Variants in PCDHGB4 observed in about 807,000 individuals in gnomAD.
PCDHGB4 encodes protocadherin gamma-B4.
PCDHGB4 carries 38 observed loss-of-function variants against 60.5 expected under a neutral mutation model. The ratio of observed to expected loss-of-function variants is 0.63; its 90% confidence interval spans 0.48 to 0.82. The LOEUF (loss-of-function observed/expected upper bound fraction) is 0.82. Ranked by LOEUF, PCDHGB4 falls within the 40% of genes least tolerant of loss-of-function variation. The probability of loss-of-function intolerance (pLI) is 0.00; values close to 1 mark genes in which losing one functional copy is unlikely to be tolerated. For missense variants in PCDHGB4, 1,109 were observed against 1,209.6 expected, an observed-to-expected ratio of 0.92 and a Z score of 1.23; for synonymous variants, 456 against 509.7, an observed-to-expected ratio of 0.89 and a Z score of 1.42.
rs758216080 is a variant in PCDHGB4, at chr5:141,398,809, C to A, written c.2397+8528C>A. 1.3e-5 allele frequency: 21 copies of A among 1,613,854 alleles called. No individual in the cohort carries two copies. In the South Asian group the frequency reaches 2.1e-4, roughly 16 times the overall value. On this transcript the variant is annotated intron_variant, in intron 1 of 3. Coordinates refer to ENST00000519479, the MANE Select transcript of PCDHGB4 (RefSeq NM_003736.4). ...TCCACCCCTAAGCGGCACCACTGAG[C>A]TCCGGATCCAGGTAACCGACGCCAA...
Position 141,490,027 on chromosome 5 carries a change from CG to C in PCDHGB4, c.2398-4779del. The C allele has an allele frequency of 6.2e-7, 1 of 1,614,214 alleles. No individual in the cohort carries two copies. Among genetic ancestry groups the C allele is most frequent in the Admixed American group, 1.7e-5 (1 of 60,032 alleles). On this transcript the variant is annotated intron_variant, in intron 1 of 3. Transcript: ENST00000519479. The surrounding 1 kb of genome is among the most constrained non-coding windows in gnomAD (Gnocchi z 5.4). Reference sequence around the variant, plus strand: ...TGCACCCATTGGTACTCTGCTGCTCCGCCTCAATGCCACTGATCCAGACGAG... The same window carrying C: ...TGCACCCATTGGTACTCTGCTGCTCCCCTCAATGCCACTGATCCAGACGAG...
intron 1 of PCDHGB4, among the ~76,000 whole-genome samples, chr5:141,438,647 CACACAT>C (rs1324641788): frequency 3.8e-5 from 4 of 106,486 alleles, no homozygotes; most frequent in South Asian, 2.8e-4. Flanking sequence ...CACACACACA[CACACAT>C]ATATGTATAT....
chr5:141,505,883 T>C (rs1225759976), intron 3 of PCDHGB4, among the ~76,000 whole-genome samples: 1 of 152,118 alleles, frequency 6.6e-6, no homozygotes, highest in East Asian at 1.9e-4. Flanking sequence ...GTTGTAGAGA[T>C]TAAATGAGAT....
chr5:141,506,017 C>G (rs2099850061), intron 3 of PCDHGB4, among the ~76,000 whole-genome samples: 1 of 152,176 alleles, frequency 6.6e-6, no homozygotes, highest in Non-Finnish European at 1.5e-5. Flanking sequence ...TTTGCTGCCC[C>G]TAACTCCAGA....
intron 1 of PCDHGB4, among the ~76,000 whole-genome samples, chr5:141,407,687 G>A (rs866314437): frequency 1.3e-5 from 2 of 152,126 alleles, no homozygotes; most frequent in African/African-American, 2.4e-5. Context: ...TGGCTTTGTG[G>A]TGATCATTGT....
At chr5:141,509,823 TTCTC>T (rs2099878456) in intron 3 of PCDHGB4, among the ~76,000 whole-genome samples, 1 of 152,170 alleles carries the variant, frequency 6.6e-6, no homozygotes, top group Non-Finnish European at 1.5e-5. Flanking sequence ...CTTCTCCATC[TTCTC>T]TCTACCTCCC....
At chr5:141,398,695 A>G (rs753760185) in intron 1 of PCDHGB4, 3 of 1,613,784 alleles carry the variant, frequency 1.9e-6, no homozygotes, top group Non-Finnish European at 2.5e-6. Flanking sequence ...GGATGGTAGT[A>G]AATACCCGGA....
At chr5:141,404,096 G>C in intron 1 of PCDHGB4, 1 of 1,613,610 alleles carries the variant, frequency 6.2e-7, no homozygotes, top group Non-Finnish European at 8.5e-7. Flanking sequence ...GAATGGTCAA[G>C]TTGTCTGTTC....
chr5:141,457,301 CCAAA>C (rs1163780799), intron 1 of PCDHGB4, among the ~76,000 whole-genome samples: 1 of 152,090 alleles, frequency 6.6e-6, no homozygotes, highest in Non-Finnish European at 1.5e-5. Context: ...TTTTATTTTC[CCAAA>C]CAAAGAAACC....
chr5:141,415,654 A>G, intron 1 of PCDHGB4: 1 of 1,573,242 alleles, frequency 6.4e-7, no homozygotes. Flanking sequence ...AAAAAAAAAG[A>G]TTGGTTTTTA....
At chr5:141,427,440 G>A (rs747459662) in intron 1 of PCDHGB4, 1 of 477,484 alleles carries the variant, frequency 2.1e-6, no homozygotes, top group South Asian at 1.5e-5. Flanking sequence ...CCTCATAAAC[G>A]AAAGAGTTCC....
At chr5:141,392,815 T>G (rs1361544072) in intron 1 of PCDHGB4, 1 of 1,586,560 alleles carries the variant, frequency 6.3e-7, no homozygotes, top group South Asian at 1.1e-5. Flanking sequence ...AAAACAACAA[T>G]GGCCGCTCCA....
chr5:141,420,135 A>T (rs2096469364), intron 1 of PCDHGB4: 1 of 1,614,026 alleles, frequency 6.2e-7, no homozygotes. Flanking sequence ...GTGCCTGGGG[A>T]TCAAATGAAT....
rs1210809217 is a variant in PCDHGB4 at position 141,432,990 on chromosome 5, A to G, written c.2397+42709A>G. The G allele has an allele frequency of 6.2e-7, 1 of 1,614,152 alleles. No individual in the cohort carries two copies. The highest frequency in any genetic ancestry group is 1.7e-5 in the Admixed American group (1 of 60,022). ...CCGGCGTCGCACTTTGTGGGCGTGGACGGGGTGCAGGCTTTCCTGCAGACC... is the reference window on the plus strand; with the variant it reads ...CCGGCGTCGCACTTTGTGGGCGTGGGCGGGGTGCAGGCTTTCCTGCAGACC... On this transcript the variant is annotated intron_variant, in intron 1 of 3. Transcript: ENST00000519479. This position sits in a 1 kb window ranked among gnomAD's most constrained non-coding sequence, Gnocchi z 6.0.
Position 141,485,436 on chromosome 5 carries a change from A to G in PCDHGB4, c.2398-9371A>G, listed in dbSNP as rs2099613369. On this transcript the variant is annotated intron_variant, in intron 1 of 3. Transcript: ENST00000519479. This position sits in a 1 kb window ranked among gnomAD's most constrained non-coding sequence, Gnocchi z 5.7. ...GACAGCGGAGCCCTGCTCATCAAGA[A>G]CCCAATCGACCGAGAGGCACTGTGT... 1.9e-6 allele frequency: 3 copies of G among 1,614,092 alleles called. No individual in the cohort carries two copies. The highest frequency in any genetic ancestry group is 2.7e-5 in the African/African-American group (2 of 74,934).
intron 1 of PCDHGB4, among the ~76,000 whole-genome samples, chr5:141,463,205 A>T (rs2099054933): frequency 6.6e-6 from 1 of 152,080 alleles, no homozygotes; most frequent in Non-Finnish European, 1.5e-5. Context: ...AGACTTGGGG[A>T]TCCATATTAA....
intron 1 of PCDHGB4, chr5:141,478,479 C>T (rs750055106): frequency 1.9e-6 from 3 of 1,613,550 alleles, no homozygotes; most frequent in Admixed American, 1.7e-5. Context: ...CGCCAGAACA[C>T]GCTGCGGAGC....
intron 1 of PCDHGB4, chr5:141,399,802 C>G: frequency 3.1e-6 from 5 of 1,613,252 alleles, no homozygotes; most frequent in Non-Finnish European, 3.4e-6. Flanking sequence ...ACCGCGGGTG[C>G]TGTACCCCGC....
intron 1 of PCDHGB4, chr5:141,419,647 G>A (rs370948584): frequency 1.0e-4 from 165 of 1,612,474 alleles, no homozygotes; most frequent in Non-Finnish European, 1.4e-4. Context: ...CCGTGGACGC[G>A]GACTCGGGGC....
Sources: allele counts gnomAD v4.1 joint callset (sites outside exome capture counted in the v4.1 genomes callset), GRCh38; gene constraint gnomAD v4.1.1; non-coding constraint Gnocchi (gnomAD v3.1); transcripts MANE v1.5; gene names NCBI Gene and HGNC (gene_info 2026-07-23, HGNC 2026-07-21).